Variants in ERC2 observed in about 807,000 individuals in gnomAD.
ERC2 encodes ERC protein 2.
Under a neutral mutation model 114.8 loss-of-function variants are expected in ERC2, and 42 were observed. That is an observed-to-expected ratio of 0.37 (90% CI 0.29 to 0.47). The LOEUF (loss-of-function observed/expected upper bound fraction) is 0.47. Among genes scored for constraint, ERC2 ranks in the 20% least tolerant of loss-of-function variants. The pLI, the probability that ERC2 is intolerant of heterozygous loss-of-function variation, is 0.99. For missense variants in ERC2, 939 were observed against 1,150.7 expected, an observed-to-expected ratio of 0.82 and a Z score of 2.66; for synonymous variants, 454 against 425.5, an observed-to-expected ratio of 1.07 and a Z score of -0.82.
At chr3:56,113,792 T>G (rs187686887) in intron 6 of ERC2, among the ~76,000 whole-genome samples, 1 of 152,140 alleles carries the variant, frequency 6.6e-6, no homozygotes, top group Non-Finnish European at 1.5e-5. Context: ...TTACCTACAC[T>G]TCCATCTGAC....
chr3:56,370,738 G>A (rs1278604182), intron 2 of ERC2, among the ~76,000 whole-genome samples: 5 of 151,894 alleles, frequency 3.3e-5, no homozygotes, highest in Non-Finnish European at 7.4e-5. Context: ...GGGATTACAG[G>A]CATGCACCAC....
intron 3 of ERC2, among the ~76,000 whole-genome samples, chr3:56,228,552 A>G (rs1035784760): frequency 6.6e-6 from 1 of 152,228 alleles, no homozygotes; most frequent in African/African-American, 2.4e-5. Flanking sequence ...TTTAAGTCTG[A>G]ATAATATTCC....
At chr3:56,127,975 G>A (rs925631489) in intron 6 of ERC2, among the ~76,000 whole-genome samples, 5 of 152,020 alleles carry the variant, frequency 3.3e-5, no homozygotes, top group South Asian at 2.1e-4. Context: ...ACTCAAAATT[G>A]TCTAAAAACT....
At chr3:55,677,469 T>C (rs1011290563) in intron 17 of ERC2, among the ~76,000 whole-genome samples, 4 of 152,128 alleles carry the variant, frequency 2.6e-5, no homozygotes, top group Admixed American at 2.6e-4. Context: ...CAGTACACTT[T>C]CCTGAGCCCA....
intron 14 of ERC2, among the ~76,000 whole-genome samples, chr3:55,750,485 C>G (rs543688343): frequency 5.1e-4 from 78 of 152,206 alleles, no homozygotes; most frequent in Non-Finnish European, 6.8e-4. Context: ...TTGGCCCTTT[C>G]AATTCTTGGT....
chr3:55,937,329 A>G (rs2066509188), intron 13 of ERC2, among the ~76,000 whole-genome samples: 1 of 152,242 alleles, frequency 6.6e-6, no homozygotes, highest in Non-Finnish European at 1.5e-5. Context: ...AGCCTGGGTG[A>G]CAGAGTGAGA....
At chr3:55,770,327 A>G (rs1575548326) in intron 14 of ERC2, among the ~76,000 whole-genome samples, 1 of 152,334 alleles carries the variant, frequency 6.6e-6, no homozygotes, top group Non-Finnish European at 1.5e-5. Context: ...TCAGAACCAT[A>G]GGAACATTGT....
At chr3:56,056,418 G>A (rs921836606) in intron 7 of ERC2, among the ~76,000 whole-genome samples, 1 of 152,110 alleles carries the variant, frequency 6.6e-6, no homozygotes, top group South Asian at 2.1e-4. Flanking sequence ...GATAAGAAAG[G>A]AAAAGTTACA....
At chr3:55,572,444 G>A (rs1478790476) in intron 17 of ERC2, among the ~76,000 whole-genome samples, 1 of 152,176 alleles carries the variant, frequency 6.6e-6, no homozygotes, top group Non-Finnish European at 1.5e-5. Context: ...CAAAAAGAAG[G>A]AGCTGAAGCA....
intron 14 of ERC2, among the ~76,000 whole-genome samples, chr3:55,774,079 A>T (rs1160561392): frequency 1.3e-5 from 2 of 152,046 alleles, no homozygotes; most frequent in African/African-American, 4.8e-5. Context: ...AATTAACCCC[A>T]CCGCCTTCTG....
intron 14 of ERC2, among the ~76,000 whole-genome samples, chr3:55,850,819 A>C (rs2061535538): frequency 7.0e-6 from 1 of 142,710 alleles, no homozygotes; most frequent in Non-Finnish European, 1.5e-5. Flanking sequence ...CCTCCTGACC[A>C]TCCTGTTTCT....
chr3:55,841,121 T>C lies in ERC2; in HGVS notation c.2564+47268A>G, dbSNP rs530563327. Among the ~76,000 whole-genome samples the C allele has an allele frequency of 3.5e-3, 528 of 152,356 alleles. 3 individuals carry two copies. Among genetic ancestry groups the C allele is most frequent in the African/African-American group, 0.012 (504 of 41,586 alleles). The stretch of plus-strand genomic sequence containing the variant: ...TGTATAATTTATTGTATGTCAATCA[T>C]ACCTAAATAAATTTGTTAAAACTTC... On this transcript the variant is annotated intron_variant, in intron 14 of 17. Transcript: ENST00000288221.
At chr3:55,802,688 T>C (rs936060084) in intron 14 of ERC2, among the ~76,000 whole-genome samples, 20 of 152,130 alleles carry the variant, frequency 1.3e-4, no homozygotes, top group African/African-American at 4.8e-4. Flanking sequence ...ACAGACAAAA[T>C]CTTCAGAAGG....
intron 13 of ERC2, among the ~76,000 whole-genome samples, chr3:55,903,033 A>C (rs1254629031): frequency 6.6e-6 from 1 of 152,224 alleles, no homozygotes; most frequent in African/African-American, 2.4e-5. Context: ...CAGAAACAAA[A>C]CATACTCACA....
chr3:56,008,340 T>C (rs1048495639), intron 9 of ERC2, among the ~76,000 whole-genome samples: 3 of 152,204 alleles, frequency 2.0e-5, no homozygotes, highest in African/African-American at 7.2e-5. Context: ...CCATTCTCAT[T>C]CTTCACATCA....
chr3:55,779,853 G>A (rs17272764), intron 14 of ERC2, among the ~76,000 whole-genome samples: 4,104 of 151,918 alleles, frequency 0.027, 82 homozygotes, highest in Middle Eastern at 0.075. Context: ...TTCCTACCAC[G>A]GCAAATTATC....
intron 6 of ERC2, among the ~76,000 whole-genome samples, chr3:56,099,369 T>C (rs755266618): frequency 9.9e-5 from 15 of 152,216 alleles, no homozygotes; most frequent in South Asian, 2.1e-4. Context: ...TCCCCTTTCA[T>C]CCATCCACTT....
intron 15 of ERC2, among the ~76,000 whole-genome samples, chr3:55,710,356 C>T (rs887891040): frequency 7.2e-5 from 11 of 152,030 alleles, no homozygotes; most frequent in Non-Finnish European, 1.5e-4. Flanking sequence ...GATAACTTAC[C>T]CCCCCAAAGA....
intron 1 of ERC2, among the ~76,000 whole-genome samples, chr3:56,460,964 C>CAAAAAAAAAAAAAAAAAAAAAAAAAA (rs35313545): frequency 1.0e-5 from 1 of 98,192 alleles, no homozygotes; most frequent in Non-Finnish European, 1.9e-5. Context: ...ACTAAAAATA[C>CAAAAAAAAAAAAAAAAAAAAAAAAAA]AAAAAAAAAA....
Sources: allele counts gnomAD v4.1 joint callset (sites outside exome capture counted in the v4.1 genomes callset), GRCh38; gene constraint gnomAD v4.1.1; transcripts MANE v1.5; gene names NCBI Gene and HGNC (gene_info 2026-07-23, HGNC 2026-07-21).